Variants in ANAPC2 observed in about 807,000 individuals in gnomAD.
The protein encoded by ANAPC2 is anaphase-promoting complex subunit 2.
ANAPC2 carries 29 observed loss-of-function variants against 84.3 expected under a neutral mutation model. That is an observed-to-expected ratio of 0.34 (90% CI 0.26 to 0.47). The LOEUF is 0.47. Among genes scored for constraint, ANAPC2 ranks in the 20% least tolerant of loss-of-function variants. The pLI, the probability that ANAPC2 is intolerant of heterozygous loss-of-function variation, is 1.00. For missense variants in ANAPC2, 857 were observed against 1,131.7 expected (o/e 0.76, Z 3.48); for synonymous variants, 571 against 479.4 (o/e 1.19, Z -2.50).
chr9:137,178,469 A>G (rs1242525417), intron 10 of ANAPC2, among the ~76,000 whole-genome samples: 1 of 152,242 alleles, frequency 6.6e-6, no homozygotes, highest in African/African-American at 2.4e-5. Flanking sequence ...CCTGGGACCC[A>G]AGGCAGGACC....
chr9:137,174,971 C>T lies in ANAPC2; in HGVS notation c.2440G>A (p.Val814Ile), dbSNP rs1364590208. ...CTGCAGTTCTTGGGCAGGCGGTAGA[C>T]GCCGGCCGAGTAGACGAGCTGCTGG... ...RDQQLVYSAG[V>I]YRLPKNCS Residue 814 changes from valine to isoleucine, a missense_variant, in exon 13 of 13, where the codon GTC (valine) becomes ATC (isoleucine). Val to Ile is a conservative substitution (Grantham distance 29). Coordinates refer to ENST00000323927, the MANE Select transcript of ANAPC2 (RefSeq NM_013366.4). This position sits in a 1 kb window ranked among gnomAD's most constrained non-coding sequence, Gnocchi z 6.1. 13 of 1,591,392 alleles carry T rather than the reference C, an allele frequency of 8.2e-6. No homozygotes were observed. Among genetic ancestry groups the T allele is most frequent in the East Asian group, 2.3e-5 (1 of 43,992 alleles).
chr9:137,174,929 G>GGCGA lies in ANAPC2; in HGVS notation c.*12_*13insTCGC. ...GCAGCGCCTGGCGGGCGGGCGGGCG[G>GGCGA]GCGGGCGATGTGTCAGCTGCAGTTC... On this transcript the variant is annotated 3_prime_UTR_variant, in exon 13 of 13. Coordinates refer to ENST00000323927, the MANE Select transcript of ANAPC2 (RefSeq NM_013366.4). This position sits in a 1 kb window ranked among gnomAD's most constrained non-coding sequence, Gnocchi z 6.1. 7 of 1,043,834 alleles carry GGCGA rather than the reference G, an allele frequency of 6.7e-6. No individual in the cohort carries two copies. Among genetic ancestry groups the GGCGA allele is most frequent in the Non-Finnish European group, 9.4e-6 (7 of 746,992 alleles). The allele number at this position is 1,043,834 out of a possible 1,614,324, so 64.7% of individuals were successfully genotyped here. A position where few individuals can be genotyped will look rare whatever the true frequency, so the allele number is the denominator to read the frequency against.
Position 137,175,037 on chromosome 9 carries a change from G to C in ANAPC2, c.2374C>G (p.Leu792Val), listed in dbSNP as rs757381501. The C allele has an allele frequency of 1.2e-5, 20 of 1,604,960 alleles. No individual in the cohort carries two copies. In the East Asian group the frequency reaches 2.2e-4, roughly 18 times the overall value. ...VTGPALAEID[L>V]QELQGYLQKK... Reference sequence around the variant, plus strand: ...TGCAGGTAGCCCTGCAGCTCCTGCAGGTCAATCTCGGCCAGTGCAGGCCCA... The same window carrying C: ...TGCAGGTAGCCCTGCAGCTCCTGCACGTCAATCTCGGCCAGTGCAGGCCCA... The change falls in exon 13 of 13, where the codon CTG becomes GTG. Residue 792 changes from leucine to valine, a missense_variant. Coordinates refer to ENST00000323927, the MANE Select transcript of ANAPC2 (RefSeq NM_013366.4).
intron 3 of ANAPC2, among the ~76,000 whole-genome samples, chr9:137,185,664 T>A (rs1454827855): frequency 1.3e-5 from 2 of 152,008 alleles, no homozygotes; most frequent in African/African-American, 4.8e-5. Context: ...TCTGAAACAC[T>A]GAGGAAAGGA....
Position 137,180,477 on chromosome 9 carries a change from A to T in ANAPC2, c.1661T>A (p.Met554Lys). 1 of 1,613,008 alleles carries T rather than the reference A, an allele frequency of 6.2e-7. No homozygotes were observed. The highest frequency in any genetic ancestry group is 2.2e-5 in the East Asian group (1 of 44,870). ...LLKLRFGEAP[M>K]HFCEVMLKDM... ...CTTCAGCATGACTTCACAGAAGTGCATTGGGGCCTCGCCAAAGCGCAGCTT... is the reference window on the plus strand; with the variant it reads ...CTTCAGCATGACTTCACAGAAGTGCTTTGGGGCCTCGCCAAAGCGCAGCTT... Residue 554 changes from methionine (M) to lysine (K), a missense_variant, in exon 9 of 13, where the codon ATG becomes AAG. Physicochemically the swap from Met to Lys is moderately conservative, Grantham distance 95. Transcript: ENST00000323927.
At chr9:137,184,880 G>A (rs758296208) in intron 4 of ANAPC2, 33 bp downstream of exon 4, 2 of 1,605,590 alleles carry the variant, frequency 1.2e-6, no homozygotes, top group Non-Finnish European at 8.5e-7. Context: ...TCCCCAGACG[G>A]GAGAGCGGAC....
At position 137,174,855 on chromosome 9, in the gene ANAPC2, GGACAC is replaced by G. The variant is rs1225079584; in HGVS notation, c.*82_*86del. ...GCATGCTCCTCAGCAGTGCATTCTG[GGACAC>G]GGGCGGGCGGGGGCTGGCACGGGAG... On this transcript the variant is annotated 3_prime_UTR_variant, in exon 13 of 13. Coordinates refer to ENST00000323927, the MANE Select transcript of ANAPC2 (RefSeq NM_013366.4). This position sits in a 1 kb window ranked among gnomAD's most constrained non-coding sequence, Gnocchi z 6.1. 1 of 1,458,548 alleles carries G rather than the reference GGACAC, an allele frequency of 6.9e-7. No individual in the cohort carries two copies. Among genetic ancestry groups the G allele is most frequent in the East Asian group, 2.5e-5 (1 of 39,980 alleles). The allele number at this position is 1,458,548 out of a possible 1,614,324, so 90.4% of individuals were successfully genotyped here.
At chr9:137,179,028 C>A (rs1834281939) in intron 10 of ANAPC2, among the ~76,000 whole-genome samples, 1 of 152,244 alleles carries the variant, frequency 6.6e-6, no homozygotes, top group African/African-American at 2.4e-5. Context: ...GCCTCCTTCA[C>A]AGCAGACCTG....
At chr9:137,184,743 C>G (rs767988149) in intron 4 of ANAPC2, among the ~76,000 whole-genome samples, 170 bp downstream of exon 4, 1 of 141,950 alleles carries the variant, frequency 7.0e-6, no homozygotes, top group Non-Finnish European at 1.5e-5. Flanking sequence ...GGAGCCCAGA[C>G]GCAGACACAG....
At chr9:137,188,347 T>C in intron 1 of ANAPC2, 69 bp downstream of exon 1, 1 of 1,500,838 alleles carries the variant, frequency 6.7e-7, no homozygotes, top group Non-Finnish European at 9.0e-7. Flanking sequence ...AACCCGAGGG[T>C]AGCGGCCCCA....
intron 10 of ANAPC2, 182 bp from the exon 11 acceptor site, chr9:137,176,019 G>T: frequency 1.5e-6 from 1 of 655,128 alleles, no homozygotes; most frequent in Non-Finnish European, 2.4e-6. Flanking sequence ...AGCCACCATG[G>T]AAGGGCAATG....
chr9:137,174,822 G>A lies in ANAPC2; in HGVS notation c.*120C>T. ...GCTTTAATCTGCACACTGCGGGGGT[G>A]GGGGTGGGCATGCTCCTCAGCAGTG... On this transcript the variant is annotated 3_prime_UTR_variant, in exon 13 of 13. Transcript: ENST00000323927. The surrounding 1 kb of genome is among the most constrained non-coding windows in gnomAD (Gnocchi z 6.1). 7.0e-7 allele frequency: 1 copy of A among 1,438,800 alleles called. No individual in the cohort carries two copies. The highest frequency in any genetic ancestry group is 9.1e-7 in the Non-Finnish European group (1 of 1,097,548). 89.1% of individuals were successfully genotyped at this position (1,438,800 alleles called of 1,614,324 possible). A position where few individuals can be genotyped will look rare whatever the true frequency, so the allele number is the denominator to read the frequency against.
chr9:137,182,763 G>A (rs989879418), intron 6 of ANAPC2, among the ~76,000 whole-genome samples: 1 of 152,208 alleles, frequency 6.6e-6, no homozygotes, highest in African/African-American at 2.4e-5. Flanking sequence ...CCGTGGGAAA[G>A]GCCAGGACAG....
Position 137,186,326 on chromosome 9 carries a change from A to G in ANAPC2, c.771T>C (p.Ser257=), listed in dbSNP as rs1283788455. Residue 257 remains serine (S), a synonymous_variant, in exon 3 of 13, where the codon AGT becomes AGC. Transcript: ENST00000323927. ...LHRLSLLERV[S]AEAVTTTLHQ... is the part of the protein sequence containing the mutation. ...GCAGGGTGGTGGTCACAGCCTCGGC[A>G]CTGACCCGCTCCAGCAGACTGAGCC... is the stretch of plus-strand genomic sequence containing the variant. 6.2e-7 allele frequency: 1 copy of G among 1,610,116 alleles called. No homozygotes were observed. Among genetic ancestry groups the G allele is most frequent in the South Asian group, 1.1e-5 (1 of 90,694 alleles).
intron 1 of ANAPC2, 102 bp downstream of exon 1, chr9:137,188,314 C>G: frequency 7.3e-7 from 1 of 1,363,676 alleles, no homozygotes; most frequent in South Asian, 1.3e-5. Context: ...AGGACAGAGG[C>G]GGATGATGGA....
In ANAPC2 at chr9:137,187,786, A is replaced by T. The variant is rs1313975329; in HGVS notation, c.435T>A (p.Gly145=). 6.2e-7 allele frequency: 1 copy of T among 1,613,656 alleles called. No individual in the cohort carries two copies. The highest frequency in any genetic ancestry group is 1.7e-5 in the Admixed American group (1 of 60,024). ...GGACTTCTTCTCGCAGCCCCTGAGC[A>T]CCAGTGCCCATCAGCAAGCCCAGGC... ...WTRLGLLMGT[G]AQGLREEVHT... is the part of the protein sequence containing the mutation. The change falls in exon 2 of 13, where the codon GGT becomes GGA. Residue 145 remains glycine, a synonymous_variant. Transcript: ENST00000323927.
intron 10 of ANAPC2, chr9:137,176,692 TG>T (rs1431812438): frequency 6.6e-6 from 1 of 152,264 alleles, no homozygotes; most frequent in African/African-American, 2.4e-5. Flanking sequence ...ACCCAACAGG[TG>T]CTTCCAGTGA....
In ANAPC2 at chr9:137,180,495, C is replaced by G; in HGVS notation, c.1643G>C (p.Arg548Pro). 6.2e-7 allele frequency: 1 copy of G among 1,613,034 alleles called. No individual in the cohort carries two copies. The highest frequency in any genetic ancestry group is 8.5e-7 in the Non-Finnish European group (1 of 1,179,940). ...GAAGTGCATTGGGGCCTCGCCAAAG[C>G]GCAGCTTCAGCAGCTCCACGTTGCG... ...EIRNVELLKL[R>P]FGEAPMHFCE... is the part of the protein sequence containing the mutation. The change falls in exon 9 of 13, where the codon CGC becomes CCC. Residue 548 changes from arginine (R) to proline (P), a missense_variant. Physicochemically the swap from Arg to Pro is moderately radical, Grantham distance 103 (BLOSUM62 -2). Around this residue, in one of 3 missense-constraint regions of ANAPC2, gnomAD observed 425 missense variants for 595.5 expected, o/e 0.71. Transcript: ENST00000323927.
chr9:137,182,937 G>T (rs1834375246), intron 6 of ANAPC2, among the ~76,000 whole-genome samples, 188 bp downstream of exon 6: 1 of 152,244 alleles, frequency 6.6e-6, no homozygotes, highest in Non-Finnish European at 1.5e-5. Flanking sequence ...CGTGTGACAA[G>T]GACAGGTGCC....
Sources: allele counts gnomAD v4.1 joint callset (sites outside exome capture counted in the v4.1 genomes callset), GRCh38; gene constraint gnomAD v4.1.1; regional missense constraint gnomAD v4.1.1; non-coding constraint Gnocchi (gnomAD v3.1); transcripts MANE v1.5; gene names NCBI Gene and HGNC (gene_info 2026-07-23, HGNC 2026-07-21).